The following CSMD1 variants were observed in gnomAD, a reference collection of about 807,000 sequenced individuals.
The protein encoded by CSMD1 is CUB and Sushi multiple domains 1.
In CSMD1, 213 loss-of-function variants were observed where a neutral mutation model predicts 417.5. The ratio of observed to expected loss-of-function variants is 0.51; its 90% CI spans 0.46 to 0.57. The LOEUF (loss-of-function observed/expected upper bound fraction) is 0.57. Among genes scored for constraint, CSMD1 ranks in the 20% least tolerant of loss-of-function variants. The probability of loss-of-function intolerance (pLI) is 0.00; values close to 1 mark genes in which losing one functional copy is unlikely to be tolerated. For missense variants in CSMD1, 6,923 were observed against 4,529.7 expected (o/e 1.53, Z -15.17); for synonymous variants, 2,862 against 1,736.8 (o/e 1.65, Z -16.11).
At chr8:3,810,174 G>C (rs1336310150) in intron 5 of CSMD1, among the ~76,000 whole-genome samples, 2 of 152,142 alleles carry the variant, frequency 1.3e-5, no homozygotes, top group Middle Eastern at 3.2e-3. Flanking sequence ...CATATAGCAG[G>C]TGCTCCATAC....
At chr8:4,833,064 A>T (rs145841319) in intron 1 of CSMD1, among the ~76,000 whole-genome samples, 41 of 152,296 alleles carry the variant, frequency 2.7e-4, no homozygotes, top group African/African-American at 9.4e-4. Context: ...GAAAGTATAT[A>T]CCACTTGCCA....
At chr8:4,133,465 G>C (rs1348874594) in intron 3 of CSMD1, among the ~76,000 whole-genome samples, 1 of 151,890 alleles carries the variant, frequency 6.6e-6, no homozygotes, top group Non-Finnish European at 1.5e-5. Flanking sequence ...TTTTCTTTCA[G>C]CCCCAAATCA....
intron 3 of CSMD1, among the ~76,000 whole-genome samples, chr8:4,275,429 G>A (rs900582102): frequency 6.6e-6 from 1 of 152,076 alleles, no homozygotes; most frequent in Non-Finnish European, 1.5e-5. Flanking sequence ...ATTGATTTGT[G>A]TGCATGATAC....
At chr8:4,923,539 T>C (rs879743956) in intron 1 of CSMD1, among the ~76,000 whole-genome samples, 1 of 152,056 alleles carries the variant, frequency 6.6e-6, no homozygotes, top group Non-Finnish European at 1.5e-5. Flanking sequence ...TATATATATA[T>C]ACTATGTGCC....
chr8:3,884,246 T>G (rs955556919), intron 5 of CSMD1, among the ~76,000 whole-genome samples: 1 of 152,216 alleles, frequency 6.6e-6, no homozygotes, highest in Non-Finnish European at 1.5e-5. Flanking sequence ...ACGCCTCTAA[T>G]GGCAAGTCTA....
chr8:3,675,440 G>C (rs914331953), intron 7 of CSMD1, among the ~76,000 whole-genome samples: 2 of 152,166 alleles, frequency 1.3e-5, no homozygotes, highest in Non-Finnish European at 2.9e-5. Context: ...TGGATGGAAA[G>C]ACCAAAAATC....
Position 4,033,155 on chromosome 8 carries a change from A to T in CSMD1, c.416-1056T>A, listed in dbSNP as rs2740919. ...GAAAAAAAAAAAAAAAAAAAAAAAA[A>T]CCTGGCCAGGCACGGTAGCTCACGC... On this transcript the variant is annotated intron_variant, in intron 3 of 69. Transcript: ENST00000635120. Among the ~76,000 whole-genome samples the T allele has an allele frequency of 1.7e-4, 24 of 143,420 alleles. No homozygotes were observed. The Middle Eastern group carries it at 0.018, about 107-fold the overall frequency. 94.1% of individuals were successfully genotyped at this position (143,420 alleles called of 152,430 possible).
intron 1 of CSMD1, among the ~76,000 whole-genome samples, chr8:4,921,931 T>G (rs923859685): frequency 8.5e-5 from 13 of 152,316 alleles, no homozygotes; most frequent in African/African-American, 2.9e-4. Context: ...CTTCTGAACG[T>G]ACCCTCACAT....
chr8:3,284,256 C>A lies in CSMD1; in HGVS notation c.4041G>T (p.Glu1347Asp). ...CCTCCGGAAGGGCGGAGCCACTCCA[C>A]TCCTTCAGCAGGATGTCACTGTCCA... ...GPVDSDILLK[E>D]WSGSALPEDI... The change falls in exon 26 of 70, where the codon GAG (glutamate) becomes GAT (aspartate). Residue 1347 changes from glutamate (E) to aspartate (D), a missense_variant. Glu to Asp is a conservative substitution (Grantham distance 45). Transcript: ENST00000635120. 6.2e-7 allele frequency: 1 copy of A among 1,613,918 alleles called. No homozygotes were observed. Among genetic ancestry groups the A allele is most frequent in the Non-Finnish European group, 8.5e-7 (1 of 1,179,822 alleles).
intron 50 of CSMD1, among the ~76,000 whole-genome samples, chr8:3,051,864 A>G (rs1169360610): frequency 2.0e-5 from 3 of 152,186 alleles, no homozygotes; most frequent in Non-Finnish European, 4.4e-5. Flanking sequence ...ACAGACTATT[A>G]TTCCATAAGA....
intron 26 of CSMD1, among the ~76,000 whole-genome samples, chr8:3,247,840 G>C (rs918588537): frequency 6.6e-6 from 1 of 152,178 alleles, no homozygotes; most frequent in African/African-American, 2.4e-5. Flanking sequence ...TACAAAATTA[G>C]GCAATGTCAA....
chr8:3,008,389 G>A (rs1778000318), intron 52 of CSMD1, among the ~76,000 whole-genome samples: 1 of 152,214 alleles, frequency 6.6e-6, no homozygotes, highest in African/African-American at 2.4e-5. Flanking sequence ...GACCAGGGGA[G>A]GCTGCACACC....
At chr8:3,036,466 C>G (rs972874237) in intron 50 of CSMD1, among the ~76,000 whole-genome samples, 3 of 152,138 alleles carry the variant, frequency 2.0e-5, no homozygotes, top group African/African-American at 7.2e-5. Context: ...TTAATTGAAG[C>G]ACATTTAATG....
At chr8:4,090,223 G>T (rs1161859107) in intron 3 of CSMD1, among the ~76,000 whole-genome samples, 1 of 152,028 alleles carries the variant, frequency 6.6e-6, no homozygotes, top group Middle Eastern at 3.2e-3. Flanking sequence ...AAGTATTTTT[G>T]GCTTGTTTTT....
chr8:3,433,600 C>G (rs4609217), intron 12 of CSMD1, among the ~76,000 whole-genome samples: 118,371 of 152,092 alleles, frequency 0.78, 46,440 homozygotes, highest in African/African-American at 0.88. Context: ...CACTCTAGTG[C>G]TGACGAGGGC....
At chr8:4,486,768 T>C (rs1801436555) in intron 2 of CSMD1, among the ~76,000 whole-genome samples, 1 of 152,164 alleles carries the variant, frequency 6.6e-6, no homozygotes, top group Non-Finnish European at 1.5e-5. Flanking sequence ...ACGAAGAACC[T>C]GAGTGATAAA....
At chr8:3,062,376 T>C (rs905832638) in intron 49 of CSMD1, among the ~76,000 whole-genome samples, 1 of 152,078 alleles carries the variant, frequency 6.6e-6, no homozygotes, top group African/African-American at 2.4e-5. Flanking sequence ...CTTTACTATG[T>C]GTAGGTGGTG....
At chr8:4,475,598 G>GT (rs907242901) in intron 2 of CSMD1, among the ~76,000 whole-genome samples, 35 of 151,208 alleles carry the variant, frequency 2.3e-4, no homozygotes, top group East Asian at 5.8e-4. Flanking sequence ...TTTTCTTAGG[G>GT]TTTTTTTTCT....
intron 5 of CSMD1, among the ~76,000 whole-genome samples, chr8:3,983,088 T>G (rs1285418893): frequency 6.6e-6 from 1 of 151,382 alleles, no homozygotes; most frequent in Non-Finnish European, 1.5e-5. Flanking sequence ...CCTCTAATGA[T>G]GTAAAACGCC....
Sources: allele counts gnomAD v4.1 joint callset (sites outside exome capture counted in the v4.1 genomes callset), GRCh38; gene constraint gnomAD v4.1.1; transcripts MANE v1.5; gene names NCBI Gene and HGNC (gene_info 2026-07-23, HGNC 2026-07-21).